CDH18: variants seen among roughly 807,000 people sequenced by gnomAD.
CDH18 encodes cadherin 18.
In CDH18, 31 loss-of-function variants were observed where a neutral mutation model predicts 67.9. The observed-to-expected ratio is 0.46, with a 90% CI of 0.34 to 0.62. CDH18 has a LOEUF of 0.62. CDH18 is among the 20% of genes least tolerant of loss of function. The pLI is 0.01. For missense variants in CDH18, 890 were observed against 975.5 expected (o/e 0.91, Z 1.17); for synonymous variants, 362 against 347.2 (o/e 1.04, Z -0.48).
At chr5:20,564,487 G>C (rs1249731382) in intron 1 of CDH18, among the ~76,000 whole-genome samples, 2 of 151,656 alleles carry the variant, frequency 1.3e-5, no homozygotes, top group African/African-American at 4.8e-5. Context: ...CCATCTCTCT[G>C]GTTGGGCCAG....
intron 2 of CDH18, among the ~76,000 whole-genome samples, chr5:19,959,614 T>C (rs894934632): frequency 6.6e-6 from 1 of 152,122 alleles, no homozygotes; most frequent in Non-Finnish European, 1.5e-5. Flanking sequence ...TTACTATAAA[T>C]ACAGGTGGTT....
intron 5 of CDH18, among the ~76,000 whole-genome samples, chr5:19,658,651 T>C (rs1434467409): frequency 1.3e-5 from 2 of 151,990 alleles, no homozygotes; most frequent in African/African-American, 4.8e-5. Flanking sequence ...TAAACTTCTT[T>C]TTTTCTTTTT....
chr5:20,004,606 T>C (rs1418656147), intron 2 of CDH18, among the ~76,000 whole-genome samples: 1 of 152,218 alleles, frequency 6.6e-6, no homozygotes, highest in Admixed American at 6.5e-5. Flanking sequence ...ATGGAACAAT[T>C]ATTAACTTTG....
At chr5:19,481,543 A>G (rs931988661) in intron 12 of CDH18, among the ~76,000 whole-genome samples, 2 of 152,120 alleles carry the variant, frequency 1.3e-5, no homozygotes, top group Non-Finnish European at 2.9e-5. Context: ...TTTCATTCAC[A>G]GTCATCTTTT....
chr5:19,769,397 A>C, intron 3 of CDH18, among the ~76,000 whole-genome samples: 1 of 152,130 alleles, frequency 6.6e-6, no homozygotes, highest in East Asian at 1.9e-4. Flanking sequence ...TGGATTATAT[A>C]TTCAACATGC....
intron 10 of CDH18, among the ~76,000 whole-genome samples, chr5:19,511,216 T>C (rs2126828195): frequency 6.6e-6 from 1 of 152,248 alleles, no homozygotes; most frequent in East Asian, 1.9e-4. Context: ...TCCCCCGTGA[T>C]TGTAAGTTTC....
chr5:19,714,504 A>G (rs1423347661), intron 5 of CDH18, among the ~76,000 whole-genome samples: 1 of 138,330 alleles, frequency 7.2e-6, no homozygotes, highest in Non-Finnish European at 1.5e-5. Flanking sequence ...AAAGTAGACA[A>G]AGTGAGATTT....
intron 1 of CDH18, among the ~76,000 whole-genome samples, chr5:20,503,976 T>C (rs1007460427): frequency 2.0e-5 from 3 of 150,842 alleles, no homozygotes; most frequent in African/African-American, 7.3e-5. Context: ...AGGCGGAGGT[T>C]GCAGTGAGCC....
intron 2 of CDH18, among the ~76,000 whole-genome samples, chr5:19,852,020 T>C (rs941474658): frequency 2.6e-5 from 4 of 152,052 alleles, no homozygotes; most frequent in Admixed American, 6.6e-5. Flanking sequence ...CAAATAGGAA[T>C]AAAATGGATT....
At chr5:19,838,435 T>A (rs983014566) in intron 3 of CDH18, among the ~76,000 whole-genome samples, 2 of 152,092 alleles carry the variant, frequency 1.3e-5, no homozygotes, top group Admixed American at 1.3e-4. Context: ...TTCAAGGTAA[T>A]AAAGAAAAAA....
At chr5:20,113,913 T>G (rs533825297) in intron 2 of CDH18, among the ~76,000 whole-genome samples, 1 of 152,322 alleles carries the variant, frequency 6.6e-6, no homozygotes, top group South Asian at 2.1e-4. Flanking sequence ...AAGACCATTT[T>G]CTGAAAATTT....
chr5:20,428,304 C>A (rs1051297014), intron 1 of CDH18, among the ~76,000 whole-genome samples: 5 of 151,818 alleles, frequency 3.3e-5, no homozygotes, highest in Non-Finnish European at 7.3e-5. Flanking sequence ...CATAGTATTC[C>A]ATGGTGTATA....
chr5:19,721,308 G>A (rs776609912), intron 5 of CDH18, 39 bp downstream of exon 5: 1 of 1,522,440 alleles, frequency 6.6e-7, no homozygotes, highest in South Asian at 1.3e-5. Context: ...ACTTACTGTA[G>A]CAAACGCTTG....
At chr5:19,724,293 T>C (rs1183653390) in intron 4 of CDH18, among the ~76,000 whole-genome samples, 3 of 152,186 alleles carry the variant, frequency 2.0e-5, no homozygotes, top group Non-Finnish European at 4.4e-5. Context: ...TCCATTTATA[T>C]AGCGTTTTTG....
intron 12 of CDH18, among the ~76,000 whole-genome samples, chr5:19,478,312 G>C (rs989159297): frequency 1.3e-5 from 2 of 152,062 alleles, no homozygotes; most frequent in African/African-American, 4.8e-5. Flanking sequence ...TTGATTCTTT[G>C]TCATACCATC....
chr5:20,303,634 GC>G (rs1278788428), intron 1 of CDH18, among the ~76,000 whole-genome samples: 7 of 152,048 alleles, frequency 4.6e-5, no homozygotes, highest in African/African-American at 1.7e-4. Flanking sequence ...AAGCATACAG[GC>G]CAGCTTCCTT....
intron 2 of CDH18, among the ~76,000 whole-genome samples, chr5:20,057,914 A>C (rs1742136217): frequency 6.6e-6 from 1 of 152,180 alleles, no homozygotes; most frequent in African/African-American, 2.4e-5. Flanking sequence ...AAGCAATATT[A>C]CTTTTTAAAT....
At chr5:19,935,874 T>C (rs1195927181) in intron 2 of CDH18, among the ~76,000 whole-genome samples, 1 of 150,244 alleles carries the variant, frequency 6.7e-6, no homozygotes, top group African/African-American at 2.4e-5. Flanking sequence ...TTTCCAAACT[T>C]GTGATTTTTT....
chr5:19,546,742 C>T (rs1241885082), intron 8 of CDH18, among the ~76,000 whole-genome samples: 5 of 152,054 alleles, frequency 3.3e-5, no homozygotes, highest in African/African-American at 1.2e-4. Context: ...CATGAACACA[C>T]ATGGCAGAAG....
Sources: allele counts gnomAD v4.1 joint callset (sites outside exome capture counted in the v4.1 genomes callset), GRCh38; gene constraint gnomAD v4.1.1; transcripts MANE v1.5; gene names NCBI Gene and HGNC (gene_info 2026-07-23, HGNC 2026-07-21).